The following SHANK2 variants were observed in gnomAD, a reference collection of about 807,000 sequenced individuals.
SHANK2 encodes SH3 and multiple ankyrin repeat domains protein 2.
SHANK2 carries 43 observed loss-of-function variants against 133.7 expected under a neutral mutation model. The observed-to-expected ratio is 0.32, with a 90% CI of 0.25 to 0.41. SHANK2 has a LOEUF of 0.41. Among genes scored for constraint, SHANK2 ranks in the 10% least tolerant of loss-of-function variants. The pLI is 1.00. For missense variants in SHANK2, 1,994 were observed against 2,235.8 expected (o/e 0.89, Z 2.18); for synonymous variants, 1,017 against 952.8 (o/e 1.07, Z -1.24).
At chr11:70,792,332 C>T (rs2135185332) in intron 14 of SHANK2, among the ~76,000 whole-genome samples, 1 of 151,504 alleles carries the variant, frequency 6.6e-6, no homozygotes, top group Middle Eastern at 3.4e-3. Context: ...ACCAACCAAC[C>T]AACCAACCAA....
At chr11:70,554,559 C>A (rs1046928678) in intron 17 of SHANK2, among the ~76,000 whole-genome samples, 2 of 152,158 alleles carry the variant, frequency 1.3e-5, no homozygotes, top group Non-Finnish European at 2.9e-5. Flanking sequence ...CTCCCCCCTC[C>A]CCCAGGTTCC....
Position 70,934,896 on chromosome 11 carries a change from G to A in SHANK2, c.1108-38329C>T, listed in dbSNP as rs782638699. 4.6e-5 allele frequency among the ~76,000 whole-genome samples: 7 copies of A among 152,060 alleles called. No individual in the cohort carries two copies. The South Asian group carries it at 6.2e-4, about 14-fold the overall frequency. On this transcript the variant is annotated intron_variant, in intron 10 of 25. Transcript: ENST00000601538. Reference sequence around the variant, plus strand: ...GGAGTTGAACTGCCTGCATTTTGCCGGGGACCGCGATGCAAACCAAAGCGA... The same window carrying A: ...GGAGTTGAACTGCCTGCATTTTGCCAGGGACCGCGATGCAAACCAAAGCGA...
At chr11:71,222,531 T>C (rs1954568603) in intron 2 of SHANK2, among the ~76,000 whole-genome samples, 1 of 152,196 alleles carries the variant, frequency 6.6e-6, no homozygotes, top group Non-Finnish European at 1.5e-5. Flanking sequence ...GAGGCCCAGC[T>C]GGCCGGACGC....
chr11:70,641,348 C>T (rs1434115215), intron 17 of SHANK2, among the ~76,000 whole-genome samples: 1 of 152,164 alleles, frequency 6.6e-6, no homozygotes, highest in Admixed American at 6.5e-5. Flanking sequence ...CCGCCTTGGC[C>T]TCCCAAAGTG....
At chr11:70,786,535 G>A (rs1350715217) in intron 14 of SHANK2, among the ~76,000 whole-genome samples, 1 of 152,188 alleles carries the variant, frequency 6.6e-6, no homozygotes, top group Non-Finnish European at 1.5e-5. Flanking sequence ...CAACAACCCT[G>A]CAGGGCGTGT....
At chr11:70,563,163 C>T (rs2059928715) in intron 17 of SHANK2, among the ~76,000 whole-genome samples, 1 of 152,256 alleles carries the variant, frequency 6.6e-6, no homozygotes, top group Non-Finnish European at 1.5e-5. Flanking sequence ...GCCACTGTGC[C>T]TGGCCGGGTT....
intron 14 of SHANK2, among the ~76,000 whole-genome samples, chr11:70,730,261 C>G (rs73527955): frequency 1.3e-5 from 2 of 152,126 alleles, no homozygotes; most frequent in African/African-American, 4.8e-5. Flanking sequence ...ATTGGTTCAA[C>G]GAACACCTAG....
intron 17 of SHANK2, among the ~76,000 whole-genome samples, chr11:70,578,156 A>C (rs2136211527): frequency 6.6e-6 from 1 of 152,262 alleles, no homozygotes; most frequent in African/African-American, 2.4e-5. Flanking sequence ...CATCTCATAC[A>C]CTGTACTCTC....
At position 71,133,704 on chromosome 11, in the gene SHANK2, T is replaced by C. The variant is rs151158329; in HGVS notation, c.207+13416A>G. On this transcript the variant is annotated intron_variant, in intron 3 of 25. Transcript: ENST00000601538. Reference sequence around the variant, plus strand: ...GCCACACTCCATGGACTCAAAGTTTTTGAATAAAGACCATTATCATGTTAC... The same window carrying C: ...GCCACACTCCATGGACTCAAAGTTTCTGAATAAAGACCATTATCATGTTAC... Among the ~76,000 whole-genome samples the C allele has an allele frequency of 2.4e-4, 36 of 152,204 alleles. No homozygotes were observed. The East Asian group carries it at 6.8e-3, about 29-fold the overall frequency.
At chr11:71,176,812 C>A (rs1953456643) in intron 2 of SHANK2, among the ~76,000 whole-genome samples, 1 of 151,948 alleles carries the variant, frequency 6.6e-6, no homozygotes, top group Non-Finnish European at 1.5e-5. Flanking sequence ...CTATTTTTGG[C>A]CAAAAGTTAT....
chr11:70,880,778 G>T (rs2135578247), intron 11 of SHANK2, among the ~76,000 whole-genome samples: 1 of 152,340 alleles, frequency 6.6e-6, no homozygotes, highest in East Asian at 1.9e-4. Context: ...GAACAAGGAG[G>T]ACTGAAGGGG....
intron 17 of SHANK2, among the ~76,000 whole-genome samples, chr11:70,504,856 G>A (rs182350017): frequency 4.9e-4 from 75 of 152,220 alleles, no homozygotes; most frequent in African/African-American, 1.4e-3. Context: ...ACAGGCAACC[G>A]AACACCAGCC....
chr11:70,853,534 G>C (rs981890410), intron 11 of SHANK2, among the ~76,000 whole-genome samples: 1 of 152,158 alleles, frequency 6.6e-6, no homozygotes, highest in Non-Finnish European at 1.5e-5. Context: ...CAGCAGGCAG[G>C]GCAAAGGCAA....
Position 70,485,998 on chromosome 11 carries a change from GGGACAGAAGCTGCCC to G in SHANK2, c.4280_4294del (p.Arg1427_Val1431del). 1 of 1,613,954 alleles carries G rather than the reference GGGACAGAAGCTGCCC, an allele frequency of 6.2e-7. No individual in the cohort carries two copies. Among genetic ancestry groups the G allele is most frequent in the African/African-American group, 1.3e-5 (1 of 74,994 alleles). Reference sequence around the variant, plus strand: ...CTGCTTCACTAAGTCTGAGAGAGCCGGGACAGAAGCTGCCCGGTCATCGGGGATATCAAAACTATT... The same window carrying G: ...CTGCTTCACTAAGTCTGAGAGAGCCGGGTCATCGGGGATATCAAAACTATT... On this transcript the variant is annotated inframe_deletion, in exon 25 of 26. Coordinates refer to ENST00000601538, the MANE Select transcript of SHANK2 (RefSeq NM_012309.5). The surrounding 1 kb of genome is among the most constrained non-coding windows in gnomAD (Gnocchi z 5.8).
rs2135257979 is a variant in SHANK2, at chr11:70,804,435, G to T, written c.1663+2567C>A. Among the ~76,000 whole-genome samples, 1 of 152,360 alleles carries T rather than the reference G, an allele frequency of 6.6e-6. No homozygotes were observed. Among genetic ancestry groups the T allele is most frequent in the South Asian group, 2.1e-4 (1 of 4,830 alleles). On this transcript the variant is annotated intron_variant, in intron 13 of 25. Transcript: ENST00000601538. This position sits in a 1 kb window ranked among gnomAD's most constrained non-coding sequence, Gnocchi z 4.1. ...CCCACTCGAATCTCTTTTCAGAACA[G>T]CAGTCCTTTGCCATCGATCCTTTGA...
chr11:70,855,142 G>A (rs1019052161), intron 11 of SHANK2, among the ~76,000 whole-genome samples: 8 of 152,184 alleles, frequency 5.3e-5, no homozygotes, highest in African/African-American at 1.9e-4. Context: ...CAGCAGGCTC[G>A]GCTGCCCCTC....
intron 10 of SHANK2, among the ~76,000 whole-genome samples, chr11:70,934,542 G>T (rs921516787): frequency 1.3e-5 from 2 of 152,194 alleles, no homozygotes; most frequent in African/African-American, 2.4e-5. Flanking sequence ...TCCCCAGGAA[G>T]GCCACTGGGT....
chr11:70,738,017 G>A (rs1555033957), intron 14 of SHANK2, among the ~76,000 whole-genome samples: 1 of 152,266 alleles, frequency 6.6e-6, no homozygotes, highest in Non-Finnish European at 1.5e-5. Context: ...CGGGTGCCGG[G>A]CTCGGCAACT....
At chr11:70,855,498 C>A (rs1446197445) in intron 11 of SHANK2, among the ~76,000 whole-genome samples, 2 of 152,240 alleles carry the variant, frequency 1.3e-5, no homozygotes, top group African/African-American at 4.8e-5. Flanking sequence ...CTTCCTGATT[C>A]TTGAACCCCA....
Sources: allele counts gnomAD v4.1 joint callset (sites outside exome capture counted in the v4.1 genomes callset), GRCh38; gene constraint gnomAD v4.1.1; non-coding constraint Gnocchi (gnomAD v3.1); transcripts MANE v1.5; gene names NCBI Gene and HGNC (gene_info 2026-07-23, HGNC 2026-07-21).